Variants in PHAX observed in about 807,000 individuals in gnomAD.
The protein encoded by PHAX is phosphorylated adaptor for RNA export, also known as phosphorylated adapter RNA export protein.
A neutral mutation model predicts 41.6 loss-of-function variants in PHAX; 31 were observed. The observed-to-expected ratio is 0.75, with a 90% confidence interval of 0.56 to 1.01. PHAX has a LOEUF of 1.01. Among genes scored for constraint, PHAX ranks in the 50% least tolerant of loss-of-function variants. PHAX has a pLI of 0.00. For synonymous variants in PHAX, 175 were observed against 164.9 expected (o/e 1.06, Z -0.47); for missense variants, 453 against 472.9 (o/e 0.96, Z 0.39).
At chr5:126,618,414 G>T (rs888737246) in intron 4 of PHAX, among the ~76,000 whole-genome samples, 7 of 151,806 alleles carry the variant, frequency 4.6e-5, no homozygotes, top group Non-Finnish European at 1.0e-4. Context: ...GTATCTCCCA[G>T]TAATGACAAT....
intron 3 of PHAX, among the ~76,000 whole-genome samples, chr5:126,609,639 C>G (rs1399610690): frequency 6.6e-6 from 1 of 151,898 alleles, no homozygotes; most frequent in Non-Finnish European, 1.5e-5. Context: ...ACCACAGTGC[C>G]CAGCACTTTA....
Position 126,624,639 on chromosome 5 carries a change from C to A in PHAX, c.980C>A (p.Thr327Lys). The A allele has an allele frequency of 6.2e-7, 1 of 1,613,254 alleles. No individual in the cohort carries two copies. ...AAAAAAGCTGCTAGGAAGAGGAGAA[C>A]ACAAGTGTTGGGGAAAAAGATGAAA... ...ENKKAARKRR[T>K]QVLGKKMKQA... The change falls in exon 5 of 5, where the codon ACA becomes AAA. Residue 327 changes from threonine to lysine, a missense_variant. Coordinates refer to ENST00000297540, the MANE Select transcript of PHAX (RefSeq NM_032177.4).
chr5:126,602,193 C>T (rs903945716), intron 1 of PHAX, among the ~76,000 whole-genome samples: 1 of 152,014 alleles, frequency 6.6e-6, no homozygotes, highest in Non-Finnish European at 1.5e-5. Flanking sequence ...GTGATCCACC[C>T]GCCTCGGCCT....
chr5:126,613,118 A>T (rs1453399788), intron 3 of PHAX, among the ~76,000 whole-genome samples: 2 of 152,134 alleles, frequency 1.3e-5, no homozygotes, highest in Non-Finnish European at 2.9e-5. Flanking sequence ...GGAGGCTGAG[A>T]CGGGCATATC....
At chr5:126,621,324 G>A (rs1752268801) in intron 4 of PHAX, among the ~76,000 whole-genome samples, 1 of 152,094 alleles carries the variant, frequency 6.6e-6, no homozygotes, top group African/African-American at 2.4e-5. Context: ...TAGTAGCTGG[G>A]ACTGTAGGGC....
At chr5:126,601,835 T>G (rs1331082148) in intron 1 of PHAX, among the ~76,000 whole-genome samples, 1 of 151,988 alleles carries the variant, frequency 6.6e-6, no homozygotes, top group Non-Finnish European at 1.5e-5. Context: ...CCCGGTTAAT[T>G]TTTGTATTTT....
At chr5:126,603,400 G>C (rs4597966) in intron 1 of PHAX, among the ~76,000 whole-genome samples, 170 bp from the exon 2 acceptor site, 40,251 of 152,108 alleles carry the variant, frequency 0.26, 6,654 homozygotes, top group African/African-American at 0.45. Context: ...CTTTTAAATT[G>C]GCAAATTCCA....
At chr5:126,603,441 G>T in intron 1 of PHAX, 129 bp from the exon 2 acceptor site, 1 of 977,324 alleles carries the variant, frequency 1.0e-6, no homozygotes, top group Non-Finnish European at 1.5e-6. Flanking sequence ...GAACTTGATT[G>T]GTCTCAGATT....
At chr5:126,601,502 A>G (rs1330903620) in intron 1 of PHAX, among the ~76,000 whole-genome samples, 2 of 152,224 alleles carry the variant, frequency 1.3e-5, no homozygotes, top group Admixed American at 6.5e-5. Context: ...ATCTAGGGAC[A>G]TCAGCCTGAA....
At chr5:126,604,270 G>C in intron 2 of PHAX, 87 bp downstream of exon 2, 1 of 681,976 alleles carries the variant, frequency 1.5e-6, no homozygotes, top group South Asian at 4.4e-5. Flanking sequence ...TTAATGATAT[G>C]TTCCTTTTTT....
chr5:126,618,777 G>A (rs1174822764), intron 4 of PHAX, among the ~76,000 whole-genome samples: 1 of 151,808 alleles, frequency 6.6e-6, no homozygotes, highest in Non-Finnish European at 1.5e-5. Context: ...CCCTGCCTCA[G>A]CCTCCTGAGT....
intron 4 of PHAX, among the ~76,000 whole-genome samples, chr5:126,617,596 A>G (rs1373050920): frequency 6.6e-6 from 1 of 152,166 alleles, no homozygotes; most frequent in African/African-American, 2.4e-5. Context: ...CTCGTGCCTC[A>G]GCCTCCCAAG....
chr5:126,626,702 A>G lies in PHAX; in HGVS notation c.*1858A>G, dbSNP rs1405084860. The stretch of plus-strand genomic sequence containing the variant: ...CAGTGAGCCGAGATCACGCCACTGC[A>G]CTCCAGCCTGGCGACAGAGCGAGAC... On this transcript the variant is annotated 3_prime_UTR_variant, in exon 5 of 5. Transcript: ENST00000297540. 6.8e-6 allele frequency: 1 copy of G among 147,296 alleles called. No homozygotes were observed. Among genetic ancestry groups the G allele is most frequent in the Non-Finnish European group, 1.5e-5 (1 of 67,472 alleles). The allele number at this position is 147,296 out of a possible 1,614,324, so 9.1% of individuals were successfully genotyped here. A position where few individuals can be genotyped will look rare whatever the true frequency, so the allele number is the denominator to read the frequency against.
chr5:126,601,648 G>A (rs1409998213), intron 1 of PHAX, among the ~76,000 whole-genome samples: 7 of 152,114 alleles, frequency 4.6e-5, no homozygotes, highest in African/African-American at 1.4e-4. Context: ...CATGGCACTA[G>A]GCTTTTGCAT....
At chr5:126,616,495 G>T (rs1581421107) in intron 3 of PHAX, among the ~76,000 whole-genome samples, 1 of 151,946 alleles carries the variant, frequency 6.6e-6, no homozygotes, top group Middle Eastern at 3.4e-3. Context: ...TTTTTTCTAG[G>T]TTTTCTATTT....
chr5:126,624,364 G>GC (rs1486286351), intron 4 of PHAX, among the ~76,000 whole-genome samples: 1 of 151,986 alleles, frequency 6.6e-6, no homozygotes, highest in Non-Finnish European at 1.5e-5. Context: ...AATAAGCATG[G>GC]GCCCTAAACC....
At position 126,603,571 on chromosome 5, in the gene PHAX, AAGT is replaced by A. The variant is rs1365902859; in HGVS notation, c.99_101del (p.Val34del). On this transcript the variant is annotated inframe_deletion and splice_region_variant, in exon 2 of 5. Transcript: ENST00000297540. ...GATTGTGTTTCTTTTCACTTGCAGA[AAGT>A]GCTAGGTGGCGACAGTGCTATGAGG... The A allele has an allele frequency of 3.8e-6, 6 of 1,588,204 alleles. No individual in the cohort carries two copies. In the Admixed American group the frequency reaches 1.1e-4, roughly 28 times the overall value.
chr5:126,613,877 G>A (rs1752144879), intron 3 of PHAX, among the ~76,000 whole-genome samples: 1 of 151,356 alleles, frequency 6.6e-6, no homozygotes, highest in Non-Finnish European at 1.5e-5. Context: ...CCTGGCTCAA[G>A]CAGTCCTTCC....
rs1013635447 is a variant in PHAX, at chr5:126,627,200, C to T, written c.*2356C>T. ...CTAAGAGGAAAGTGGTTATCGGTTG[C>T]TTTTTATTTATAAAGGATGCAAAAA... is the stretch of plus-strand genomic sequence containing the variant. On this transcript the variant is annotated 3_prime_UTR_variant, in exon 5 of 5. Coordinates refer to ENST00000297540, the MANE Select transcript of PHAX (RefSeq NM_032177.4). 6.6e-6 allele frequency: 1 copy of T among 152,052 alleles called. No homozygotes were observed. Among genetic ancestry groups the T allele is most frequent in the Admixed American group, 6.6e-5 (1 of 15,254 alleles). 9.4% of individuals were successfully genotyped at this position (152,052 alleles called of 1,614,324 possible). A position where few individuals can be genotyped will look rare whatever the true frequency, so the allele number is the denominator to read the frequency against.
Sources: allele counts gnomAD v4.1 joint callset (sites outside exome capture counted in the v4.1 genomes callset), GRCh38; gene constraint gnomAD v4.1.1; transcripts MANE v1.5; gene names NCBI Gene and HGNC (gene_info 2026-07-23, HGNC 2026-07-21).